CYP46A1: variants seen among roughly 807,000 people sequenced by gnomAD.
CYP46A1 encodes cholesterol 24-hydroxylase.
CYP46A1 carries 20 observed loss-of-function variants against 63.3 expected under a neutral mutation model. The ratio of observed to expected loss-of-function variants is 0.32; its 90% CI spans 0.22 to 0.46. The LOEUF (loss-of-function observed/expected upper bound fraction) is 0.46, where lower values mean the gene tolerates loss of function less well. Among genes scored for constraint, CYP46A1 ranks in the 20% least tolerant of loss-of-function variants. The pLI, the probability that CYP46A1 is intolerant of heterozygous loss-of-function variation, is 1.00. For missense variants in CYP46A1, 445 were observed against 670.8 expected (o/e 0.66, Z 3.72); for synonymous variants, 268 against 273.6 (o/e 0.98, Z 0.20).
chr14:99,702,579 CTT>C (rs757195489), intron 5 of CYP46A1, among the ~76,000 whole-genome samples: 146 of 152,180 alleles, frequency 9.6e-4, no homozygotes, highest in Non-Finnish European at 1.6e-3. Flanking sequence ...GTAAGGGACT[CTT>C]ATATATCTTT....
Position 99,684,379 on chromosome 14 carries a change from C to T in CYP46A1, c.-39C>T. 4.0e-6 allele frequency: 5 copies of T among 1,260,168 alleles called. No individual in the cohort carries two copies. Among genetic ancestry groups the T allele is most frequent in the Non-Finnish European group, 5.0e-6 (5 of 999,300 alleles). 78.1% of individuals were successfully genotyped at this position (1,260,168 alleles called of 1,614,324 possible). ...CGCGGCCTCCCGGCCCCCTCGGCGC[C>T]CGGCCCGACCCTGGCCTGGCCTGCC... On this transcript the variant is annotated 5_prime_UTR_variant, in exon 1 of 15. Coordinates refer to ENST00000261835, the MANE Select transcript of CYP46A1 (RefSeq NM_006668.2).
rs764272389 is a variant in CYP46A1, at chr14:99,726,697, G to C, written c.1473G>C (p.Trp491Cys). 1 of 1,542,614 alleles carries C rather than the reference G, an allele frequency of 6.5e-7. No individual in the cohort carries two copies. The part of the protein sequence containing the change: ...PVLCTLRPRG[W>C]QPAPPPPPC ...TGTGCACCCTGCGGCCCCGCGGCTG[G>C]CAGCCCGCACCCCCACCACCCCCCT... Residue 491 changes from tryptophan to cysteine, a missense_variant, in exon 15 of 15, where the codon TGG becomes TGC. Physicochemically the swap from Trp to Cys is radical, Grantham distance 215. Transcript: ENST00000261835.
intron 3 of CYP46A1, among the ~76,000 whole-genome samples, chr14:99,694,498 C>CT (rs879770521): frequency 0.016 from 2,201 of 136,386 alleles, 22 homozygotes; most frequent in Non-Finnish European, 0.024. Context: ...GATTTCTCCT[C>CT]TTTTTTTTTT....
chr14:99,706,257 AG>A, intron 5 of CYP46A1: 1 of 170,212 alleles, frequency 5.9e-6, no homozygotes, highest in Non-Finnish European at 1.3e-5. Flanking sequence ...AGGGCAGGTA[AG>A]GAGAGCAGGC....
chr14:99,686,051 G>GC (rs1160007680), intron 1 of CYP46A1, among the ~76,000 whole-genome samples: 1 of 152,062 alleles, frequency 6.6e-6, no homozygotes, highest in Non-Finnish European at 1.5e-5. Flanking sequence ...TTTTCCATGG[G>GC]CCCCCTGTCT....
At chr14:99,717,948 C>A (rs1342050639) in intron 9 of CYP46A1, 106 bp from the exon 10 acceptor site, 5 of 849,142 alleles carry the variant, frequency 5.9e-6, no homozygotes, top group Non-Finnish European at 9.4e-6. Context: ...TGCCTGGGGG[C>A]ACATGCCATT....
At position 99,721,234 on chromosome 14, in the gene CYP46A1, C is replaced by A. The variant is rs751808796; in HGVS notation, c.981-5C>A. ...AGACGAACTTGTCTTTGTCTTACCC[C>A]ACAGGCTGCAGGCCGAGGTGGATGA... On this transcript the variant is annotated splice_polypyrimidine_tract_variant and splice_region_variant and intron_variant, in intron 10 of 14. Coordinates refer to ENST00000261835, the MANE Select transcript of CYP46A1 (RefSeq NM_006668.2). The A allele has an allele frequency of 2.5e-6, 4 of 1,613,306 alleles. No homozygotes were observed. Among genetic ancestry groups the A allele is most frequent in the Non-Finnish European group, 3.4e-6 (4 of 1,179,200 alleles).
At chr14:99,688,610 G>A (rs1347867116) in intron 1 of CYP46A1, among the ~76,000 whole-genome samples, 2 of 152,060 alleles carry the variant, frequency 1.3e-5, no homozygotes, top group African/African-American at 4.8e-5. Flanking sequence ...CTCCTCTTCT[G>A]CATCATCCCC....
At chr14:99,699,638 C>T (rs2056613750) in intron 4 of CYP46A1, 99 bp downstream of exon 4, 2 of 1,294,980 alleles carry the variant, frequency 1.5e-6, no homozygotes, top group East Asian at 2.3e-5. Flanking sequence ...GAATTGAGGC[C>T]TGAGGCCCTG....
In CYP46A1 at chr14:99,691,070, G is replaced by C; in HGVS notation, c.120-11G>C. 1 of 1,613,886 alleles carries C rather than the reference G, an allele frequency of 6.2e-7. No homozygotes were observed. The highest frequency in any genetic ancestry group is 8.5e-7 in the Non-Finnish European group (1 of 1,179,812). ...ACTGCTGGTAAGCCTAATGTTTCCTGTTTCTTCTAGTTTCCTTCTAGGACA... is the reference window on the plus strand; with the variant it reads ...ACTGCTGGTAAGCCTAATGTTTCCTCTTTCTTCTAGTTTCCTTCTAGGACA... On this transcript the variant is annotated splice_polypyrimidine_tract_variant and intron_variant, in intron 1 of 14. Transcript: ENST00000261835.
At chr14:99,723,259 A>G (rs1239093062) in intron 12 of CYP46A1, 1 of 157,794 alleles carries the variant, frequency 6.3e-6, no homozygotes, top group Non-Finnish European at 1.4e-5. Context: ...TGCTATGTAG[A>G]GCGTTATTTT....
intron 11 of CYP46A1, 111 bp downstream of exon 11, chr14:99,721,434 G>A (rs1398919014): frequency 1.3e-6 from 1 of 761,410 alleles, no homozygotes; most frequent in East Asian, 2.6e-5. Context: ...GCTGCATAGG[G>A]TCCTCCCCCG....
At chr14:99,719,800 C>T (rs746211139) in intron 10 of CYP46A1, among the ~76,000 whole-genome samples, 8 of 137,676 alleles carry the variant, frequency 5.8e-5, no homozygotes, top group East Asian at 4.4e-4. Context: ...CTCACTCTGT[C>T]GCCCAGGCTG....
intron 14 of CYP46A1, 40 bp downstream of exon 14, chr14:99,726,296 G>T: frequency 1.9e-6 from 3 of 1,597,546 alleles, no homozygotes; most frequent in Non-Finnish European, 2.6e-6. Context: ...AGGAGTAGCT[G>T]CAGGGGTGGG....
intron 9 of CYP46A1, 157 bp from the exon 10 acceptor site, chr14:99,717,897 G>A: frequency 1.7e-6 from 1 of 584,098 alleles, no homozygotes; most frequent in Non-Finnish European, 3.0e-6. Flanking sequence ...GGCCAAGTGA[G>A]ACCTAGACGA....
At chr14:99,716,681 C>T (rs916805192) in intron 9 of CYP46A1, among the ~76,000 whole-genome samples, 1 of 152,232 alleles carries the variant, frequency 6.6e-6, no homozygotes, top group Non-Finnish European at 1.5e-5. Flanking sequence ...CCTGGGGCTC[C>T]TCCCCACCAC....
At position 99,721,305 on chromosome 14, in the gene CYP46A1, A is replaced by G; in HGVS notation, c.1047A>G (p.Arg349=). 6 of 1,612,394 alleles carry G rather than the reference A, an allele frequency of 3.7e-6. No individual in the cohort carries two copies. Among genetic ancestry groups the G allele is most frequent in the Non-Finnish European group, 5.1e-6 (6 of 1,178,516 alleles). ...ACCTGGATTTCGAGGACCTGGGGAG[A>G]CTGCAGTACCTGTCCCAGGTGTGGG... ...KRYLDFEDLG[R]LQYLSQVLKE... The change falls in exon 11 of 15, where the codon AGA becomes AGG. Residue 349 remains arginine, a synonymous_variant. Coordinates refer to ENST00000261835, the MANE Select transcript of CYP46A1 (RefSeq NM_006668.2).
chr14:99,718,151 G>A, intron 10 of CYP46A1, 25 bp downstream of exon 10: 1 of 1,607,080 alleles, frequency 6.2e-7, no homozygotes, highest in South Asian at 1.1e-5. Context: ...CTTGGGGCTG[G>A]CAAAGAGGTC....
chr14:99,718,845 A>G (rs2056817167), intron 10 of CYP46A1, among the ~76,000 whole-genome samples: 1 of 152,134 alleles, frequency 6.6e-6, no homozygotes. Context: ...AATAAGTATA[A>G]TTGTAATAAG....
Sources: allele counts gnomAD v4.1 joint callset (sites outside exome capture counted in the v4.1 genomes callset), GRCh38; gene constraint gnomAD v4.1.1; transcripts MANE v1.5; gene names NCBI Gene and HGNC (gene_info 2026-07-23, HGNC 2026-07-21).